The following CREB5 variants were observed in gnomAD, a reference collection of about 807,000 sequenced individuals.
CREB5 encodes the protein cAMP responsive element binding protein 5.
CREB5 carries 19 observed loss-of-function variants against 57.1 expected under a neutral mutation model. The observed-to-expected ratio is 0.33, with a 90% CI of 0.23 to 0.49. The LOEUF is 0.49. CREB5 is among the 20% of genes least tolerant of loss of function. The pLI is 0.99. For missense variants in CREB5, 579 were observed against 671.6 expected (o/e 0.86, Z 1.52); for synonymous variants, 238 against 238.3 (o/e 1.00, Z 0.01).
chr7:28,641,904 T>C (rs1304529526), intron 5 of CREB5, among the ~76,000 whole-genome samples: 1 of 152,224 alleles, frequency 6.6e-6, no homozygotes, highest in Non-Finnish European at 1.5e-5. Flanking sequence ...ACATCTGTCT[T>C]TTGGGTCAAA....
intron 1 of CREB5, among the ~76,000 whole-genome samples, chr7:28,302,942 G>A (rs1785122536): frequency 6.6e-6 from 1 of 152,092 alleles, no homozygotes; most frequent in Non-Finnish European, 1.5e-5. Flanking sequence ...GGAATATAGG[G>A]TTGCTCTCCC....
chr7:28,300,182 G>T (rs771992406), intron 1 of CREB5, among the ~76,000 whole-genome samples: 1 of 151,966 alleles, frequency 6.6e-6, no homozygotes, highest in Admixed American at 6.6e-5. Context: ...CCCGTGCAAG[G>T]ATTGCTTGAA....
chr7:28,373,840 T>C (rs1228411015), intron 1 of CREB5, among the ~76,000 whole-genome samples: 2 of 151,848 alleles, frequency 1.3e-5, no homozygotes, highest in East Asian at 1.9e-4. Context: ...AAAAAATAAG[T>C]GTGGTTAATA....
intron 1 of CREB5, among the ~76,000 whole-genome samples, chr7:28,417,090 A>T (rs1286849130): frequency 6.6e-6 from 1 of 152,162 alleles, no homozygotes; most frequent in African/African-American, 2.4e-5. Flanking sequence ...CCTTGAGCTT[A>T]TTGTGCTTCT....
chr7:28,413,491 T>C (rs1408215638), intron 1 of CREB5, among the ~76,000 whole-genome samples: 1 of 152,146 alleles, frequency 6.6e-6, no homozygotes, highest in Non-Finnish European at 1.5e-5. Flanking sequence ...TAGCATTTTA[T>C]ATGGATCTCT....
chr7:28,569,789 C>T (rs1187100753), intron 4 of CREB5, among the ~76,000 whole-genome samples: 3 of 152,280 alleles, frequency 2.0e-5, no homozygotes, highest in East Asian at 3.9e-4. Context: ...TTATTCTGAT[C>T]GTTGGATCCC....
At chr7:28,812,092 AGACATTGC>A (rs1212858266) in intron 9 of CREB5, among the ~76,000 whole-genome samples, 1 of 152,228 alleles carries the variant, frequency 6.6e-6, no homozygotes, top group Non-Finnish European at 1.5e-5. Context: ...AAGAGTCTCC[AGACATTGC>A]CAAATGTCCC....
At chr7:28,587,482 G>A (rs1796344444) in intron 5 of CREB5, among the ~76,000 whole-genome samples, 1 of 147,696 alleles carries the variant, frequency 6.8e-6, no homozygotes, top group South Asian at 2.3e-4. Context: ...GCCAAAGGTA[G>A]CAGGATTCTT....
upstream of CREB5, chr7:28,410,244 G>A (rs1281566254): frequency 2.2e-6 from 1 of 454,882 alleles, no homozygotes; most frequent in Non-Finnish European, 4.4e-6. Flanking sequence ...GGCTCCGTCC[G>A]CTCCAGTCCA....
intron 1 of CREB5, among the ~76,000 whole-genome samples, chr7:28,370,204 TTC>T (rs1786679265): frequency 6.6e-6 from 1 of 152,200 alleles, no homozygotes; most frequent in South Asian, 2.1e-4. Flanking sequence ...GCTCAGGCCT[TTC>T]TATCTGTAAG....
chr7:28,635,040 T>C (rs1798359481), intron 5 of CREB5, among the ~76,000 whole-genome samples: 1 of 152,136 alleles, frequency 6.6e-6, no homozygotes, highest in African/African-American at 2.4e-5. Context: ...TGTCGAGGAA[T>C]TTACTTGGGG....
rs150808209 is a variant in CREB5, at chr7:28,636,437, C to T, written c.464+65900C>T. Among the ~76,000 whole-genome samples the T allele has an allele frequency of 3.1e-3, 479 of 152,310 alleles. 3 individuals carry two copies. The highest frequency in any genetic ancestry group is 0.011 in the African/African-American group (452 of 41,574). ...TCCTCCTTCTCCAAATCTACCCCTACTGCATCCCCTGCCTCCCTCCTTGAG... is the reference window on the plus strand; with the variant it reads ...TCCTCCTTCTCCAAATCTACCCCTATTGCATCCCCTGCCTCCCTCCTTGAG... On this transcript the variant is annotated intron_variant, in intron 5 of 10. Transcript: ENST00000357727.
Position 28,819,230 on chromosome 7 carries a change from C to T in CREB5, c.1478C>T (p.Thr493Ile). 1 of 1,613,844 alleles carries T rather than the reference C, an allele frequency of 6.2e-7. No homozygotes were observed. Among genetic ancestry groups the T allele is most frequent in the Non-Finnish European group, 8.5e-7 (1 of 1,179,868 alleles). The part of the protein sequence containing the change: ...SSVSEVVGSS[T>I]LSQLTTHRTD... Reference sequence around the variant, plus strand: ...GTCAGCGAGGTGGTAGGAAGCTCCACCCTCAGCCAGCTCACCACTCACAGA... The same window carrying T: ...GTCAGCGAGGTGGTAGGAAGCTCCATCCTCAGCCAGCTCACCACTCACAGA... The change falls in exon 11 of 11, where the codon ACC becomes ATC. Residue 493 changes from threonine to isoleucine, a missense_variant. By Grantham distance (89) the Thr-to-Ile change is moderately conservative. Around this residue, in one of 3 missense-constraint regions of CREB5, gnomAD observed 114 missense variants for 130.8 expected, o/e 0.87. Coordinates refer to ENST00000357727, the MANE Select transcript of CREB5 (RefSeq NM_182898.4).
chr7:28,481,665 C>T (rs1277041788), intron 1 of CREB5, among the ~76,000 whole-genome samples: 5 of 152,248 alleles, frequency 3.3e-5, no homozygotes, highest in Admixed American at 2.6e-4. Flanking sequence ...GACTGCAGCC[C>T]GCTTCAAGAA....
At chr7:28,776,694 C>T (rs1484981087) in intron 7 of CREB5, among the ~76,000 whole-genome samples, 1 of 152,172 alleles carries the variant, frequency 6.6e-6, no homozygotes, top group Non-Finnish European at 1.5e-5. Context: ...GTAAGCATTC[C>T]TTTATTTTGC....
intron 7 of CREB5, among the ~76,000 whole-genome samples, chr7:28,736,722 G>T (rs1422265529): frequency 1.3e-5 from 2 of 152,092 alleles, no homozygotes; most frequent in Admixed American, 1.3e-4. Context: ...AAGCAACGTG[G>T]TGACTGGATT....
chr7:28,616,604 T>C (rs1797604794), intron 5 of CREB5, among the ~76,000 whole-genome samples: 1 of 152,298 alleles, frequency 6.6e-6, no homozygotes, highest in African/African-American at 2.4e-5. Flanking sequence ...ACCTGTATGA[T>C]GTTGGACAAG....
intron 1 of CREB5, among the ~76,000 whole-genome samples, chr7:28,448,689 T>C (rs980568245): frequency 6.6e-6 from 1 of 152,256 alleles, no homozygotes; most frequent in Admixed American, 6.5e-5. Context: ...CTGAATATTT[T>C]AGTCTCTGCA....
chr7:28,606,227 A>G (rs1250917759), intron 5 of CREB5, among the ~76,000 whole-genome samples: 1 of 152,200 alleles, frequency 6.6e-6, no homozygotes, highest in Non-Finnish European at 1.5e-5. Flanking sequence ...TTGTCTCACC[A>G]AGAAAGATTT....
Sources: gnomAD v4.1 joint callset for allele counts (sites outside exome capture counted in the v4.1 genomes callset) on GRCh38, gnomAD v4.1.1 for gene constraint, gnomAD v4.1.1 regional missense constraint, MANE v1.5 for transcripts, NCBI Gene and HGNC (gene_info 2026-07-23, HGNC 2026-07-21) for gene names.